CACNA1D: variants seen among roughly 807,000 people sequenced by gnomAD.
CACNA1D encodes voltage-dependent L-type calcium channel subunit alpha-1D.
In CACNA1D, 55 loss-of-function variants were observed where a neutral mutation model predicts 257.1. The ratio of observed to expected loss-of-function variants is 0.21; its 90% confidence interval spans 0.17 to 0.27. The LOEUF is 0.27. Among genes scored for constraint, CACNA1D ranks in the 10% least tolerant of loss-of-function variants. The probability of loss-of-function intolerance (pLI) is 1.00; values close to 1 mark genes in which losing one functional copy is unlikely to be tolerated. For synonymous variants in CACNA1D, 980 were observed against 1,014.9 expected, an observed-to-expected ratio of 0.97 and a Z score of 0.65; for missense variants, 1,876 against 2,784.0, an observed-to-expected ratio of 0.67 and a Z score of 7.34.
chr3:53,706,881 C>T (rs1024920977), intron 9 of CACNA1D, among the ~76,000 whole-genome samples: 1 of 152,148 alleles, frequency 6.6e-6, no homozygotes, highest in Non-Finnish European at 1.5e-5. Context: ...CAGTATTTGA[C>T]TTTCCTAAAC....
At chr3:53,653,798 G>A (rs1392913917) in intron 4 of CACNA1D, among the ~76,000 whole-genome samples, 1 of 151,986 alleles carries the variant, frequency 6.6e-6, no homozygotes, top group Non-Finnish European at 1.5e-5. Context: ...AACAGCTCCA[G>A]ATTTTCCAAA....
intron 3 of CACNA1D, among the ~76,000 whole-genome samples, chr3:53,538,841 C>CT (rs1048267475): frequency 1.3e-5 from 2 of 152,140 alleles, no homozygotes; most frequent in African/African-American, 4.8e-5. Flanking sequence ...AAACAAACAG[C>CT]TTTTTATAGT....
In CACNA1D at chr3:53,495,165, GGATGATGATGAT is replaced by G. The variant is rs751190058; in HGVS notation, c.11_22del (p.MetMetMetMet4_?7). ...CAGTAGTCGCTCAATAAATGTTCGT[GGATGATGATGAT>G]GATGATGATGAAAAAAATGCAGCAT... On this transcript the variant is annotated start_lost and 5_prime_UTR_variant, in exon 1 of 48. Coordinates refer to ENST00000350061, the MANE Select transcript of CACNA1D (RefSeq NM_001128840.3). The surrounding 1 kb of genome is among the most constrained non-coding windows in gnomAD (Gnocchi z 5.1). 3 of 1,607,402 alleles carry G rather than the reference GGATGATGATGAT, an allele frequency of 1.9e-6. No homozygotes were observed. The highest frequency in any genetic ancestry group is 2.6e-6 in the Non-Finnish European group (3 of 1,175,298).
chr3:53,682,628 G>A (rs998754008), intron 8 of CACNA1D, among the ~76,000 whole-genome samples: 5 of 151,900 alleles, frequency 3.3e-5, no homozygotes, highest in Non-Finnish European at 7.4e-5. Context: ...AGGCATATGG[G>A]TGTTCATTGT....
Position 53,745,707 on chromosome 3 carries a change from C to G in CACNA1D, c.3090C>G (p.Ala1030=). ...IVTTLLQFMF[A]CIGVQLFKGK... The stretch of plus-strand genomic sequence containing the variant: ...CCACCCTCCTGCAGTTCATGTTTGC[C>G]TGTATCGGGGTCCAGTTGTTCAAGG... The change falls in exon 24 of 48, where the codon GCC becomes GCG. Residue 1030 remains alanine, a synonymous_variant. Transcript: ENST00000350061. 6.2e-7 allele frequency: 1 copy of G among 1,613,808 alleles called. No individual in the cohort carries two copies. Among genetic ancestry groups the G allele is most frequent in the South Asian group, 1.1e-5 (1 of 91,072 alleles).
intron 8 of CACNA1D, among the ~76,000 whole-genome samples, chr3:53,694,370 G>A (rs949209759): frequency 6.6e-6 from 1 of 152,234 alleles, no homozygotes; most frequent in South Asian, 2.1e-4. Flanking sequence ...TCTGTCCTGA[G>A]TTGGGGCTCT....
chr3:53,740,387 A>G, intron 21 of CACNA1D, 48 bp downstream of exon 21: 2 of 1,244,258 alleles, frequency 1.6e-6, no homozygotes, highest in South Asian at 1.2e-5. Context: ...AGCTGGAGCA[A>G]TAATAGTTGC....
intron 3 of CACNA1D, among the ~76,000 whole-genome samples, chr3:53,613,079 A>G (rs2093600199): frequency 6.6e-6 from 1 of 152,206 alleles, no homozygotes; most frequent in Non-Finnish European, 1.5e-5. Flanking sequence ...TAGGTTATGT[A>G]GGTAAGAGGG....
rs575364372 is a variant in CACNA1D, at chr3:53,556,679, A to G, written c.483+54959A>G. 2.7e-5 allele frequency among the ~76,000 whole-genome samples: 4 copies of G among 149,782 alleles called. No homozygotes were observed. The East Asian group carries it at 7.8e-4, about 29-fold the overall frequency. The stretch of plus-strand genomic sequence containing the variant: ...ATTTGCAAATATTTTCTCTCAGTCT[A>G]TAGCTTGTCTTTCTATTATCTCTCT... On this transcript the variant is annotated intron_variant, in intron 3 of 47. Coordinates refer to ENST00000350061, the MANE Select transcript of CACNA1D (RefSeq NM_001128840.3).
At chr3:53,681,316 C>G (rs1213372803) in intron 8 of CACNA1D, among the ~76,000 whole-genome samples, 1 of 152,182 alleles carries the variant, frequency 6.6e-6, no homozygotes, top group Non-Finnish European at 1.5e-5. Context: ...GGAGGGCTTT[C>G]CGGATGACAT....
intron 14 of CACNA1D, 72 bp downstream of exon 14, chr3:53,724,071 C>T (rs752032067): frequency 6.0e-5 from 73 of 1,208,858 alleles, no homozygotes; most frequent in Admixed American, 1.9e-4. Flanking sequence ...TTCTTGTCTG[C>T]TCACACTCAG....
rs182414812 is a variant in CACNA1D at position 53,727,796 on chromosome 3, G to A, written c.2221+797G>A. 2.0e-3 allele frequency among the ~76,000 whole-genome samples: 298 copies of A among 152,136 alleles called. 2 individuals are homozygous for A. Among genetic ancestry groups the A allele is most frequent in the African/African-American group, 6.5e-3 (270 of 41,496 alleles). On this transcript the variant is annotated intron_variant, in intron 15 of 47. Transcript: ENST00000350061. Reference sequence around the variant, plus strand: ...CTTCCATTTTAAAAGGTCCTAATCTGGATTCTGCTTCTAAGGTGGCCCAGA... The same window carrying A: ...CTTCCATTTTAAAAGGTCCTAATCTAGATTCTGCTTCTAAGGTGGCCCAGA...
intron 8 of CACNA1D, among the ~76,000 whole-genome samples, chr3:53,698,944 G>T (rs566356824): frequency 6.6e-6 from 1 of 151,576 alleles, no homozygotes; most frequent in Non-Finnish European, 1.5e-5. Flanking sequence ...AAAGTCTGTT[G>T]GTTTCTACCA....
At position 53,773,680 on chromosome 3, in the gene CACNA1D, T is replaced by C. The variant is rs567045652; in HGVS notation, c.4110+782T>C. On this transcript the variant is annotated intron_variant, in intron 33 of 47. Transcript: ENST00000350061. ...AGTGCTTTTTTCTTTTTTCTTTTTTTTTTTTAAAATCCTGAAAGCATAGAA... is the reference window on the plus strand; with the variant it reads ...AGTGCTTTTTTCTTTTTTCTTTTTTCTTTTTAAAATCCTGAAAGCATAGAA... 190 of 151,696 alleles carry C rather than the reference T, an allele frequency of 1.3e-3. 1 individual carries two copies. The highest frequency in any genetic ancestry group is 4.5e-3 in the African/African-American group (186 of 41,410). 9.4% of individuals were successfully genotyped at this position (151,696 alleles called of 1,614,324 possible).
At chr3:53,770,386 T>C (rs2095359851) in intron 31 of CACNA1D, 38 bp from the exon 32 acceptor site, 11 of 1,606,552 alleles carry the variant, frequency 6.8e-6, no homozygotes, top group Non-Finnish European at 8.5e-6. Context: ...CATGTTCTAC[T>C]TTCCATTGGG....
chr3:53,508,147 T>A (rs2090936719), intron 3 of CACNA1D, among the ~76,000 whole-genome samples: 2 of 152,186 alleles, frequency 1.3e-5, no homozygotes, highest in South Asian at 4.2e-4. Flanking sequence ...TTTCTTTTTT[T>A]CAAATTTTAT....
intron 9 of CACNA1D, among the ~76,000 whole-genome samples, chr3:53,715,039 G>T (rs926957200): frequency 2.0e-5 from 3 of 152,154 alleles, no homozygotes; most frequent in African/African-American, 4.8e-5. Flanking sequence ...TTTTGGAAAA[G>T]GATAAGTGTG....
rs562090235 is a variant in CACNA1D at position 53,495,091 on chromosome 3, C to T, written c.-76C>T. 9.9e-5 allele frequency: 111 copies of T among 1,123,508 alleles called. 5 individuals carry two copies. The highest frequency in any genetic ancestry group is 6.9e-4 in the Middle Eastern group (3 of 4,342). The allele number at this position is 1,123,508 out of a possible 1,614,324, so 69.6% of individuals were successfully genotyped here. ...CGCGGCTCCTACCTCTTGGTGATCC[C>T]CTTCCCCATTCCGCCCCCGCCTCAA... On this transcript the variant is annotated 5_prime_UTR_variant, in exon 1 of 48. Transcript: ENST00000350061. This position sits in a 1 kb window ranked among gnomAD's most constrained non-coding sequence, Gnocchi z 5.1.
intron 8 of CACNA1D, among the ~76,000 whole-genome samples, chr3:53,688,951 G>T (rs118041003): frequency 1.3e-5 from 2 of 152,066 alleles, no homozygotes; most frequent in Non-Finnish European, 2.9e-5. Flanking sequence ...TTAAATCATG[G>T]ACTATTACTT....
Sources: gnomAD v4.1 joint callset for allele counts (sites outside exome capture counted in the v4.1 genomes callset) on GRCh38, gnomAD v4.1.1 for gene constraint, Gnocchi (gnomAD v3.1) non-coding constraint, MANE v1.5 for transcripts, NCBI Gene and HGNC (gene_info 2026-07-23, HGNC 2026-07-21) for gene names.